ACTN1: variants seen among roughly 807,000 people sequenced by gnomAD.
ACTN1 encodes the protein alpha-actinin-1.
ACTN1 carries 30 observed loss-of-function variants against 119.6 expected under a neutral mutation model. The observed-to-expected ratio is 0.25, with a 90% CI of 0.19 to 0.34. The LOEUF (loss-of-function observed/expected upper bound fraction) is 0.34, where lower values mean the gene tolerates loss of function less well. ACTN1 is among the 10% of genes least tolerant of loss of function. The pLI is 1.00. For synonymous variants in ACTN1, 429 were observed against 472.6 expected (o/e 0.91, Z 1.20); for missense variants, 764 against 1,223.4 (o/e 0.62, Z 5.60).
At chr14:68,927,542 G>C (rs999005331) in intron 1 of ACTN1, among the ~76,000 whole-genome samples, 1 of 152,202 alleles carries the variant, frequency 6.6e-6, no homozygotes, top group African/African-American at 2.4e-5. Flanking sequence ...GCAAAGCTGA[G>C]AGGGTCCTGG....
At chr14:68,910,725 G>A (rs921595759) in intron 4 of ACTN1, among the ~76,000 whole-genome samples, 2 of 152,136 alleles carry the variant, frequency 1.3e-5, no homozygotes, top group South Asian at 2.1e-4. Flanking sequence ...TAATTCCCAC[G>A]TGTTGTGGGA....
chr14:68,946,891 G>A (rs1594857857), intron 1 of ACTN1, among the ~76,000 whole-genome samples: 1 of 152,128 alleles, frequency 6.6e-6, no homozygotes, highest in East Asian at 1.9e-4. Context: ...CACATCACTG[G>A]GAGATCTCAG....
intron 8 of ACTN1, among the ~76,000 whole-genome samples, chr14:68,895,500 A>G (rs976382318): frequency 2.0e-5 from 3 of 152,038 alleles, no homozygotes; most frequent in African/African-American, 7.2e-5. Context: ...AGCTTGCCGG[A>G]AGCCCCAGAC....
At position 68,874,266 on chromosome 14, in the gene ACTN1, G is replaced by A. The variant is rs933562252; in HGVS notation, c.*593C>T. The A allele has an allele frequency of 6.6e-6, 1 of 152,286 alleles. No homozygotes were observed. The highest frequency in any genetic ancestry group is 2.4e-5 in the African/African-American group (1 of 41,406). 9.4% of individuals were successfully genotyped at this position (152,286 alleles called of 1,614,324 possible). A position where few individuals can be genotyped will look rare whatever the true frequency, so the allele number is the denominator to read the frequency against. ...TGATAAAGAGACTAGTCACACCTCT[G>A]AGGGGATTTAAAAATGAGAAGCCAC... On this transcript the variant is annotated 3_prime_UTR_variant, in exon 22 of 22. Coordinates refer to ENST00000394419, the MANE Select transcript of ACTN1 (RefSeq NM_001130004.2).
intron 1 of ACTN1, among the ~76,000 whole-genome samples, chr14:68,948,475 G>A (rs2036016205): frequency 6.6e-6 from 1 of 152,178 alleles, no homozygotes; most frequent in African/African-American, 2.4e-5. Context: ...CTACTTGGGA[G>A]GCTGAGGCAG....
chr14:68,891,402 C>T (rs1331807935), intron 10 of ACTN1, among the ~76,000 whole-genome samples: 1 of 152,156 alleles, frequency 6.6e-6, no homozygotes, highest in Non-Finnish European at 1.5e-5. Context: ...CCTAAAGCAG[C>T]TTATTATATA....
chr14:68,887,916 CCT>C, intron 11 of ACTN1: 1 of 895,494 alleles, frequency 1.1e-6, no homozygotes, highest in East Asian at 2.4e-5. Context: ...CCCTTTGCTC[CCT>C]TTTTCCCTTT....
intron 1 of ACTN1, among the ~76,000 whole-genome samples, chr14:68,965,176 TC>T (rs537143776): frequency 3.5e-3 from 531 of 152,324 alleles, no homozygotes; most frequent in Non-Finnish European, 6.4e-3. Flanking sequence ...TGGCAGACTG[TC>T]CTTGGACAAA....
chr14:68,918,381 A>G (rs1045928165), intron 3 of ACTN1, among the ~76,000 whole-genome samples: 6 of 151,736 alleles, frequency 4.0e-5, no homozygotes, highest in African/African-American at 1.5e-4. Context: ...GGAGATCGAG[A>G]CCATCCTGGT....
chr14:68,942,681 C>T (rs980411338), intron 1 of ACTN1, among the ~76,000 whole-genome samples: 6 of 152,190 alleles, frequency 3.9e-5, no homozygotes, highest in Non-Finnish European at 8.8e-5. Flanking sequence ...CGGAAGCCCT[C>T]GTGCCCGGCT....
chr14:68,899,412 T>G (rs557964754), intron 8 of ACTN1, among the ~76,000 whole-genome samples: 2 of 124,856 alleles, frequency 1.6e-5, no homozygotes, highest in African/African-American at 6.5e-5. Context: ...ACTACACCCT[T>G]CCACACCACA....
At position 68,905,681 on chromosome 14, in the gene ACTN1, G is replaced by A. The variant is rs974356148; in HGVS notation, c.595-945C>T. Among the ~76,000 whole-genome samples the A allele has an allele frequency of 9.2e-5, 14 of 152,180 alleles. No homozygotes were observed. The East Asian group carries it at 9.6e-4, about 10-fold the overall frequency. ...ATGAACTCTTAGAATGTTATGCTCA[G>A]TGAAATAAGCCAGACACAAAAGGAC... On this transcript the variant is annotated intron_variant, in intron 6 of 21. Coordinates refer to ENST00000394419, the MANE Select transcript of ACTN1 (RefSeq NM_001130004.2).
At chr14:68,961,181 A>G (rs7140693) in intron 1 of ACTN1, among the ~76,000 whole-genome samples, 7,214 of 152,296 alleles carry the variant, frequency 0.047, 357 homozygotes, top group African/African-American at 0.13. Context: ...TTATGAAACA[A>G]TCTCTATACT....
At chr14:68,922,796 G>A (rs2034721105) in intron 2 of ACTN1, among the ~76,000 whole-genome samples, 1 of 152,228 alleles carries the variant, frequency 6.6e-6, no homozygotes, top group African/African-American at 2.4e-5. Flanking sequence ...TTGTGATTAG[G>A]AGGACTGGGT....
intron 1 of ACTN1, among the ~76,000 whole-genome samples, chr14:68,954,802 G>A (rs1486728267): frequency 6.6e-6 from 1 of 152,196 alleles, no homozygotes; most frequent in African/African-American, 2.4e-5. Flanking sequence ...CTTAAGAAAT[G>A]AACACATCAC....
At chr14:68,890,413 A>C in intron 10 of ACTN1, 127 bp from the exon 11 acceptor site, 1 of 1,132,928 alleles carries the variant, frequency 8.8e-7, no homozygotes, top group Non-Finnish European at 1.2e-6. Context: ...TCTGCCCCAT[A>C]TCCACCCTAG....
intron 3 of ACTN1, among the ~76,000 whole-genome samples, chr14:68,916,696 C>A (rs2034313371): frequency 6.6e-6 from 1 of 152,058 alleles, no homozygotes; most frequent in Non-Finnish European, 1.5e-5. Context: ...GAAGGCTGGC[C>A]CCAAAGGGAG....
intron 3 of ACTN1, among the ~76,000 whole-genome samples, chr14:68,917,739 G>C (rs888782111): frequency 6.6e-6 from 1 of 152,208 alleles, no homozygotes; most frequent in African/African-American, 2.4e-5. Flanking sequence ...TGGCTCCTCA[G>C]GGCAGGGAGA....
chr14:68,968,714 T>C (rs1488769577), intron 1 of ACTN1, among the ~76,000 whole-genome samples: 1 of 152,266 alleles, frequency 6.6e-6, no homozygotes, highest in Admixed American at 6.5e-5. Flanking sequence ...AAATACTTGC[T>C]GTAACCACCT....
Sources: gnomAD v4.1 joint callset for allele counts (sites outside exome capture counted in the v4.1 genomes callset) on GRCh38, gnomAD v4.1.1 for gene constraint, MANE v1.5 for transcripts, NCBI Gene and HGNC (gene_info 2026-07-23, HGNC 2026-07-21) for gene names.